The following NELL2 variants were observed in gnomAD, a reference collection of about 807,000 sequenced individuals.
NELL2 encodes the protein protein kinase C-binding protein NELL2.
In NELL2, 41 loss-of-function variants were observed where a neutral mutation model predicts 109.6. The ratio of observed to expected loss-of-function variants is 0.37; its 90% CI spans 0.29 to 0.49. The LOEUF is 0.49. NELL2 is among the 20% of genes least tolerant of loss of function. The pLI is 0.98. For synonymous variants in NELL2, 355 were observed against 344.7 expected, an observed-to-expected ratio of 1.03 and a Z score of -0.33; for missense variants, 900 against 1,008.3, an observed-to-expected ratio of 0.89 and a Z score of 1.45.
intron 15 of NELL2, among the ~76,000 whole-genome samples, chr12:44,546,371 T>C (rs1337165646): frequency 1.3e-5 from 2 of 152,150 alleles, no homozygotes; most frequent in African/African-American, 2.4e-5. Context: ...CTGTCTACTT[T>C]AAGTCCATTT....
intron 13 of NELL2, among the ~76,000 whole-genome samples, chr12:44,622,050 C>T (rs1407961104): frequency 6.6e-6 from 1 of 152,158 alleles, no homozygotes; most frequent in Admixed American, 6.6e-5. Flanking sequence ...TGAACCCTCA[C>T]ATCTTGCCGT....
chr12:44,592,343 T>C (rs1285090354), intron 15 of NELL2, among the ~76,000 whole-genome samples: 1 of 152,096 alleles, frequency 6.6e-6, no homozygotes, highest in East Asian at 1.9e-4. Context: ...AAATAATAAA[T>C]GCATAAATAG....
At chr12:44,522,287 A>G (rs1941576981) in intron 17 of NELL2, 111 bp from the exon 18 acceptor site, 1 of 845,070 alleles carries the variant, frequency 1.2e-6, no homozygotes, top group Admixed American at 3.1e-5. Context: ...GAAATAATTC[A>G]CACTGCTTAT....
Position 44,722,881 on chromosome 12 carries a change from T to C in NELL2, c.995-8140A>G, listed in dbSNP as rs1349447997. Among the ~76,000 whole-genome samples the C allele has an allele frequency of 3.3e-5, 5 of 152,216 alleles. No individual in the cohort carries two copies. In the South Asian group the frequency reaches 1.0e-3, roughly 32 times the overall value. On this transcript the variant is annotated intron_variant, in intron 9 of 19. Coordinates refer to ENST00000429094, the MANE Select transcript of NELL2 (RefSeq NM_001145108.2). ...ACAATAGATGCATATTAAAATCACC[T>C]GAAGAACATTTAAAATTCAATGCCT...
rs192074406 is a variant in NELL2 at position 44,858,968 on chromosome 12, C to A, written c.184+16257G>T. Among the ~76,000 whole-genome samples, 219 of 152,282 alleles carry A rather than the reference C, an allele frequency of 1.4e-3. 1 individual carries two copies. Among genetic ancestry groups the A allele is most frequent in the African/African-American group, 5.0e-3 (207 of 41,558 alleles). ...AAACACAAACAACAACAACAAAACA[C>A]TCAATACTTGATTTTACTCTGTTTC... On this transcript the variant is annotated intron_variant, in intron 2 of 19. Transcript: ENST00000429094.
chr12:44,819,200 A>G (rs1233274412), intron 2 of NELL2, among the ~76,000 whole-genome samples: 1 of 152,218 alleles, frequency 6.6e-6, no homozygotes, highest in African/African-American at 2.4e-5. Context: ...AGGAAACTGT[A>G]GGTGAAGGGA....
At chr12:44,750,162 T>C (rs750753200) in intron 9 of NELL2, among the ~76,000 whole-genome samples, 1 of 152,154 alleles carries the variant, frequency 6.6e-6, no homozygotes, top group Non-Finnish European at 1.5e-5. Flanking sequence ...GCAGAGATTA[T>C]GTTTTCCTTT....
At chr12:44,743,742 A>G (rs1243322398) in intron 9 of NELL2, among the ~76,000 whole-genome samples, 1 of 152,234 alleles carries the variant, frequency 6.6e-6, no homozygotes, top group East Asian at 1.9e-4. Context: ...TTCAACAAGA[A>G]GAGCTAACCA....
chr12:44,791,595 T>C (rs939128381), intron 3 of NELL2, among the ~76,000 whole-genome samples: 2 of 151,314 alleles, frequency 1.3e-5, no homozygotes, highest in African/African-American at 2.4e-5. Flanking sequence ...ATTTGGAAAA[T>C]AGAGCTGATA....
At chr12:44,850,264 A>G in intron 2 of NELL2, among the ~76,000 whole-genome samples, 1 of 152,240 alleles carries the variant, frequency 6.6e-6, no homozygotes, top group Non-Finnish European at 1.5e-5. Flanking sequence ...ATTTTTTCAT[A>G]ATTAATTATA....
rs367712742 is a variant in NELL2 at position 44,508,953 on chromosome 12, T to G, written c.2432A>C (p.Gln811Pro). The part of the protein sequence containing the change: ...NGHICCSVDP[Q>P]CLQEL The stretch of plus-strand genomic sequence containing the variant: ...TTAACTTCACAGTTCCTGAAGGCAC[T>G]GTGGATCCACTGAGCAACAGATGTG... Residue 811 changes from glutamine to proline, a missense_variant, in exon 20 of 20, where the codon CAG (glutamine) becomes CCG (proline). By Grantham distance (76) the Gln-to-Pro change is moderately conservative. Around this residue, in one of 4 missense-constraint regions of NELL2, gnomAD observed 333 missense variants for 432.3 expected, o/e 0.77. Coordinates refer to ENST00000429094, the MANE Select transcript of NELL2 (RefSeq NM_001145108.2). 1 of 1,612,942 alleles carries G rather than the reference T, an allele frequency of 6.2e-7. No homozygotes were observed. Among genetic ancestry groups the G allele is most frequent in the Admixed American group, 1.7e-5 (1 of 59,950 alleles).
At chr12:44,699,397 A>T (rs1198281385) in intron 12 of NELL2, among the ~76,000 whole-genome samples, 1 of 152,118 alleles carries the variant, frequency 6.6e-6, no homozygotes, top group African/African-American at 2.4e-5. Context: ...TATGTTTATA[A>T]ATATCTGAGG....
intron 13 of NELL2, among the ~76,000 whole-genome samples, chr12:44,647,443 CT>C (rs1413092613): frequency 2.0e-5 from 3 of 152,014 alleles, no homozygotes; most frequent in African/African-American, 7.3e-5. Flanking sequence ...GGGATATCTG[CT>C]GCATAGAGAT....
At chr12:44,662,014 G>A (rs890653235) in intron 13 of NELL2, among the ~76,000 whole-genome samples, 19 of 151,834 alleles carry the variant, frequency 1.3e-4, no homozygotes, top group Non-Finnish European at 2.8e-4. Flanking sequence ...AACACGAAAC[G>A]ATGTAAAGAG....
intron 13 of NELL2, among the ~76,000 whole-genome samples, chr12:44,630,150 G>T (rs143597566): frequency 1.3e-3 from 198 of 152,250 alleles, no homozygotes; most frequent in Non-Finnish European, 2.4e-3. Flanking sequence ...ACAGAAAAAT[G>T]CCTCATCATT....
chr12:44,863,289 G>A (rs1424746800), intron 2 of NELL2, among the ~76,000 whole-genome samples: 1 of 152,122 alleles, frequency 6.6e-6, no homozygotes, highest in Non-Finnish European at 1.5e-5. Flanking sequence ...TCTGGAGAAA[G>A]ATATCCAGAT....
chr12:44,844,486 A>T (rs959390961), intron 2 of NELL2, among the ~76,000 whole-genome samples: 3 of 152,232 alleles, frequency 2.0e-5, no homozygotes, highest in Non-Finnish European at 4.4e-5. Context: ...ACTACAACAT[A>T]GAAAACTAAG....
intron 13 of NELL2, among the ~76,000 whole-genome samples, chr12:44,636,958 A>C (rs1946660706): frequency 6.6e-6 from 1 of 151,946 alleles, no homozygotes; most frequent in African/African-American, 2.4e-5. Context: ...CAGGGTTTTT[A>C]CTTCTTCCTG....
chr12:44,747,719 A>G (rs1208748659), intron 9 of NELL2, among the ~76,000 whole-genome samples: 1 of 152,022 alleles, frequency 6.6e-6, no homozygotes, highest in Non-Finnish European at 1.5e-5. Context: ...TCAGTAATGG[A>G]TCAGTTTTAT....
Sources: allele counts gnomAD v4.1 joint callset (sites outside exome capture counted in the v4.1 genomes callset), GRCh38; gene constraint gnomAD v4.1.1; regional missense constraint gnomAD v4.1.1; transcripts MANE v1.5; gene names NCBI Gene and HGNC (gene_info 2026-07-23, HGNC 2026-07-21).